ADAMTS3: variants seen among roughly 807,000 people sequenced by gnomAD.
The protein encoded by ADAMTS3 is A disintegrin and metalloproteinase with thrombospondin motifs 3.
ADAMTS3 carries 73 observed loss-of-function variants against 129.0 expected under a neutral mutation model. That is an observed-to-expected ratio of 0.57 (90% confidence interval 0.47 to 0.69). ADAMTS3 has a LOEUF of 0.69. Among genes scored for constraint, ADAMTS3 ranks in the 30% least tolerant of loss-of-function variants. ADAMTS3 has a pLI of 0.00. For synonymous variants in ADAMTS3, 477 were observed against 510.8 expected (o/e 0.93, Z 0.89); for missense variants, 1,457 against 1,514.5 (o/e 0.96, Z 0.63).
At chr4:72,454,120 A>T (rs1718480755) in intron 3 of ADAMTS3, among the ~76,000 whole-genome samples, 1 of 151,410 alleles carries the variant, frequency 6.6e-6, no homozygotes, top group Non-Finnish European at 1.5e-5. Context: ...ATACTGATGA[A>T]ATAAGTTAAA....
chr4:72,494,995 G>A (rs1439219866), intron 3 of ADAMTS3, among the ~76,000 whole-genome samples: 3 of 152,138 alleles, frequency 2.0e-5, no homozygotes, highest in Admixed American at 1.3e-4. Flanking sequence ...TCCCTCATGG[G>A]GGAAGTCATG....
At chr4:72,380,873 G>A (rs976898220) in intron 4 of ADAMTS3, among the ~76,000 whole-genome samples, 1 of 152,124 alleles carries the variant, frequency 6.6e-6, no homozygotes, top group African/African-American at 2.4e-5. Context: ...CACTGGTTCA[G>A]AGCATATCAA....
intron 4 of ADAMTS3, among the ~76,000 whole-genome samples, chr4:72,367,500 G>A (rs1008682771): frequency 4.6e-5 from 7 of 151,930 alleles, no homozygotes; most frequent in Non-Finnish European, 1.0e-4. Flanking sequence ...TATATAAAAA[G>A]TACTTATTAT....
chr4:72,567,638 A>G (rs938928274), intron 1 of ADAMTS3, among the ~76,000 whole-genome samples: 4 of 152,218 alleles, frequency 2.6e-5, no homozygotes, highest in African/African-American at 9.7e-5. Flanking sequence ...ACACTTATGA[A>G]GCCAGCAAAA....
intron 15 of ADAMTS3, among the ~76,000 whole-genome samples, chr4:72,309,057 C>A (rs1334956255): frequency 6.6e-6 from 1 of 151,746 alleles, no homozygotes; most frequent in African/African-American, 2.4e-5. Flanking sequence ...AACAAGAATT[C>A]AAAATAAACA....
At chr4:72,373,295 C>G (rs1721056963) in intron 4 of ADAMTS3, among the ~76,000 whole-genome samples, 1 of 152,146 alleles carries the variant, frequency 6.6e-6, no homozygotes, top group Non-Finnish European at 1.5e-5. Flanking sequence ...GACCCACACA[C>G]ATATGGTCGC....
At chr4:72,397,070 C>T (rs953591113) in intron 4 of ADAMTS3, among the ~76,000 whole-genome samples, 8 of 152,234 alleles carry the variant, frequency 5.3e-5, no homozygotes, top group African/African-American at 1.7e-4. Flanking sequence ...CAGGGAAAAA[C>T]ACTCCAAGCT....
At chr4:72,530,653 T>A (rs35582874) in intron 3 of ADAMTS3, among the ~76,000 whole-genome samples, 1 of 72,536 alleles carries the variant, frequency 1.4e-5, no homozygotes, top group African/African-American at 5.4e-5. Flanking sequence ...TATATAATAT[T>A]ATATATATTA....
intron 4 of ADAMTS3, among the ~76,000 whole-genome samples, chr4:72,358,298 A>G (rs1720633344): frequency 6.6e-6 from 1 of 151,964 alleles, no homozygotes; most frequent in Non-Finnish European, 1.5e-5. Context: ...AGCTATCCTT[A>G]AGAGAAAAAA....
At chr4:72,401,625 A>G (rs1182450793) in intron 4 of ADAMTS3, among the ~76,000 whole-genome samples, 4 of 151,406 alleles carry the variant, frequency 2.6e-5, no homozygotes, top group Non-Finnish European at 5.9e-5. Flanking sequence ...AGGAAGAAAG[A>G]AAGAAAATAT....
In ADAMTS3 at chr4:72,468,838, C is replaced by T. The variant is rs536513884; in HGVS notation, c.505-53867G>A. Reference sequence around the variant, plus strand: ...TCTTGCCAGTGCATATCACATGGTCCCTCTCTTCAACCACCAGTCACACAT... The same window carrying T: ...TCTTGCCAGTGCATATCACATGGTCTCTCTCTTCAACCACCAGTCACACAT... On this transcript the variant is annotated intron_variant, in intron 3 of 21. Coordinates refer to ENST00000286657, the MANE Select transcript of ADAMTS3 (RefSeq NM_014243.3). Among the ~76,000 whole-genome samples, 190 of 151,572 alleles carry T rather than the reference C, an allele frequency of 1.3e-3. 1 individual carries two copies. Among genetic ancestry groups the T allele is most frequent in the African/African-American group, 4.4e-3 (184 of 41,392 alleles).
Position 72,548,701 on chromosome 4 carries a change from C to A in ADAMTS3, c.281G>T (p.Arg94Leu), listed in dbSNP as rs202230275. 7.4e-6 allele frequency: 12 copies of A among 1,613,826 alleles called. No homozygotes were observed. Among genetic ancestry groups the A allele is most frequent in the Non-Finnish European group, 1.0e-5 (12 of 1,179,922 alleles). The change falls in exon 3 of 22, where the codon CGA (arginine) becomes CTA (leucine). Residue 94 changes from arginine to leucine, a missense_variant. Physicochemically the swap from Arg to Leu is moderately radical, Grantham distance 102. Transcript: ENST00000286657. Reference sequence around the variant, plus strand: ...TACTAGTTGAGTGTTGGGCTTTAGTCGCAGATGAAAATCTTTTCCAAATGC... The same window carrying A: ...TACTAGTTGAGTGTTGGGCTTTAGTAGCAGATGAAAATCTTTTCCAAATGC... ...ITAFGKDFHL[R>L]LKPNTQLVAP...
chr4:72,307,689 C>T (rs900853396), intron 15 of ADAMTS3, among the ~76,000 whole-genome samples: 3 of 151,976 alleles, frequency 2.0e-5, no homozygotes, highest in African/African-American at 7.2e-5. Flanking sequence ...GAAAGTAAGA[C>T]TAAGCATGAA....
intron 3 of ADAMTS3, among the ~76,000 whole-genome samples, chr4:72,474,880 AGCCGGGC>A (rs1421561096): frequency 6.6e-6 from 1 of 151,524 alleles, no homozygotes; most frequent in African/African-American, 2.4e-5. Flanking sequence ...CAAAAAAATT[AGCCGGGC>A]GTAGTGGCGG....
rs544441199 is a variant in ADAMTS3 at position 72,541,506 on chromosome 4, G to A, written c.504+6972C>T. Among the ~76,000 whole-genome samples the A allele has an allele frequency of 5.3e-5, 8 of 152,294 alleles. No individual in the cohort carries two copies. In the South Asian group the frequency reaches 1.2e-3, roughly 24 times the overall value. On this transcript the variant is annotated intron_variant, in intron 3 of 21. Coordinates refer to ENST00000286657, the MANE Select transcript of ADAMTS3 (RefSeq NM_014243.3). ...GGCATGATTGGTTTTGAAATGTGAG[G>A]ACATGAGATTTGGCGGAGGCCAGGG... is the stretch of plus-strand genomic sequence containing the variant.
Position 72,434,451 on chromosome 4 carries a change from C to A in ADAMTS3, c.505-19480G>T, listed in dbSNP as rs7691692. ...TTATAGAGTAGAATAAGGTCCCGGA[C>A]CTTTAAGAAACACCAATTCTGGAGC... On this transcript the variant is annotated intron_variant, in intron 3 of 21. Coordinates refer to ENST00000286657, the MANE Select transcript of ADAMTS3 (RefSeq NM_014243.3). Among the ~76,000 whole-genome samples the A allele has an allele frequency of 1.1e-3, 169 of 151,802 alleles. 1 individual carries two copies. Among genetic ancestry groups the A allele is most frequent in the African/African-American group, 3.8e-3 (157 of 41,444 alleles).
intron 2 of ADAMTS3, among the ~76,000 whole-genome samples, chr4:72,551,234 C>T (rs999966567): frequency 1.3e-5 from 2 of 152,096 alleles, no homozygotes; most frequent in South Asian, 4.1e-4. Context: ...GTATATTGTA[C>T]TGATGCATGG....
chr4:72,544,025 T>C (rs1721403775), intron 3 of ADAMTS3, among the ~76,000 whole-genome samples: 1 of 152,120 alleles, frequency 6.6e-6, no homozygotes, highest in African/African-American at 2.4e-5. Flanking sequence ...TTCAATTATA[T>C]ATTACTGTTT....
chr4:72,526,315 T>C (rs746777398), intron 3 of ADAMTS3, among the ~76,000 whole-genome samples: 1 of 152,246 alleles, frequency 6.6e-6, no homozygotes, highest in Middle Eastern at 3.4e-3. Context: ...CTGTGTAAGA[T>C]TTTCACTAGC....
Sources: allele counts gnomAD v4.1 joint callset (sites outside exome capture counted in the v4.1 genomes callset), GRCh38; gene constraint gnomAD v4.1.1; transcripts MANE v1.5; gene names NCBI Gene and HGNC (gene_info 2026-07-23, HGNC 2026-07-21).